RIMBP2: variants seen among roughly 807,000 people sequenced by gnomAD.
RIMBP2 encodes RIMS binding protein 2, also known as RIMS-binding protein 2.
Under a neutral mutation model 118.6 loss-of-function variants are expected in RIMBP2, and 48 were observed. That is an observed-to-expected ratio of 0.40 (90% confidence interval 0.32 to 0.51). RIMBP2 has a LOEUF of 0.51. Ranked by LOEUF, RIMBP2 falls within the 20% of genes least tolerant of loss-of-function variation. The pLI, the probability that RIMBP2 is intolerant of heterozygous loss-of-function variation, is 0.41. For synonymous variants in RIMBP2, 762 were observed against 742.9 expected, an observed-to-expected ratio of 1.03 and a Z score of -0.42; for missense variants, 1,551 against 1,768.3, an observed-to-expected ratio of 0.88 and a Z score of 2.20.
chr12:130,544,859 C>T (rs2054962299), intron 2 of RIMBP2, among the ~76,000 whole-genome samples: 1 of 152,102 alleles, frequency 6.6e-6, no homozygotes, highest in Non-Finnish European at 1.5e-5. Context: ...TCCCAAAGAA[C>T]TGGAGGCCTT....
rs776713358 is a variant in RIMBP2 at position 130,414,074 on chromosome 12, C to T, written c.3420+51G>A. 4.0e-5 allele frequency: 64 copies of T among 1,591,902 alleles called. 1 individual carries two copies. In the South Asian group the frequency reaches 6.5e-4, roughly 16 times the overall value. ...GTTGCCAGTCTCTGCCCCCATGACC[C>T]AGACCCGCCTCAGGGGCTGATGAAG... is the stretch of plus-strand genomic sequence containing the variant. On this transcript the variant is annotated intron_variant, in intron 18 of 22. Transcript: ENST00000690449.
At position 130,703,234 on chromosome 12, in the gene RIMBP2, G is replaced by T. The variant is rs189989093; in HGVS notation, c.-352+12988C>A. 6.6e-6 allele frequency among the ~76,000 whole-genome samples: 1 copy of T among 152,044 alleles called. No individual in the cohort carries two copies. Among genetic ancestry groups the T allele is most frequent in the Non-Finnish European group, 1.5e-5 (1 of 68,000 alleles). On this transcript the variant is annotated intron_variant, in intron 1 of 22. Coordinates refer to ENST00000690449, the MANE Select transcript of RIMBP2 (RefSeq NM_001393629.1). The surrounding 1 kb of genome is among the most constrained non-coding windows in gnomAD (Gnocchi z 5.7). ...GTCACCCTCCTGGTTGACAGATGACGCCTGGTGTTGGCCTTGTGCACCCCG... is the reference window on the plus strand; with the variant it reads ...GTCACCCTCCTGGTTGACAGATGACTCCTGGTGTTGGCCTTGTGCACCCCG...
At position 130,446,976 on chromosome 12, in the gene RIMBP2, G is replaced by A. The variant is rs561884406; in HGVS notation, c.582-1707C>T. On this transcript the variant is annotated intron_variant, in intron 9 of 22. Coordinates refer to ENST00000690449, the MANE Select transcript of RIMBP2 (RefSeq NM_001393629.1). The surrounding 1 kb of genome is among the most constrained non-coding windows in gnomAD (Gnocchi z 4.1). Reference sequence around the variant, plus strand: ...CTTTCTGGCCTCAGGGTGAGCAGGCGGGGACACAAGTCACTGAGTGGGGGT... The same window carrying A: ...CTTTCTGGCCTCAGGGTGAGCAGGCAGGGACACAAGTCACTGAGTGGGGGT... 5.3e-5 allele frequency among the ~76,000 whole-genome samples: 8 copies of A among 151,442 alleles called. No individual in the cohort carries two copies. Among genetic ancestry groups the A allele is most frequent in the Admixed American group, 3.3e-4 (5 of 15,218 alleles).
At chr12:130,628,088 T>A (rs7311135) in intron 2 of RIMBP2, among the ~76,000 whole-genome samples, 87,534 of 151,998 alleles carry the variant, frequency 0.58, 26,957 homozygotes, top group Admixed American at 0.67. Flanking sequence ...TTTTCAGGCA[T>A]CAAGTTCTTT....
chr12:130,434,358 C>G lies in RIMBP2; in HGVS notation c.2253+376G>C, dbSNP rs1009245119. On this transcript the variant is annotated intron_variant, in intron 14 of 22. Transcript: ENST00000690449. This position sits in a 1 kb window ranked among gnomAD's most constrained non-coding sequence, Gnocchi z 5.7. ...TATTTTTGGCTCCCATGATGCCTCCCTAGCACACAGATGGCCAACAAACAT... is the reference window on the plus strand; with the variant it reads ...TATTTTTGGCTCCCATGATGCCTCCGTAGCACACAGATGGCCAACAAACAT... Among the ~76,000 whole-genome samples, 7 of 152,188 alleles carry G rather than the reference C, an allele frequency of 4.6e-5. No individual in the cohort carries two copies. The highest frequency in any genetic ancestry group is 1.7e-4 in the African/African-American group (7 of 41,444).
intron 4 of RIMBP2, among the ~76,000 whole-genome samples, chr12:130,490,145 TAAAAA>T (rs2048507030): frequency 7.6e-6 from 1 of 132,134 alleles, no homozygotes; most frequent in African/African-American, 2.9e-5. Context: ...AAAAAAAAGA[TAAAAA>T]AGAAAAGTGA....
intron 19 of RIMBP2, among the ~76,000 whole-genome samples, chr12:130,408,755 C>T (rs1472073377): frequency 6.6e-6 from 1 of 152,258 alleles, no homozygotes; most frequent in Non-Finnish European, 1.5e-5. Flanking sequence ...AACACAGCCA[C>T]TTTTTGCTTA....
chr12:130,478,929 T>G lies in RIMBP2; in HGVS notation c.85A>C (p.Ile29Leu). The G allele has an allele frequency of 6.2e-7, 1 of 1,613,486 alleles. No individual in the cohort carries two copies. Among genetic ancestry groups the G allele is most frequent in the Non-Finnish European group, 8.5e-7 (1 of 1,179,760 alleles). ...CCGCTTACCTTCTGCAGAAGGTCAA[T>G]TTCCTGCTGCTTGGCACTGAGAACA... ...LAVLSAKQQE[I>L]DLLQKAQVEA... Residue 29 changes from isoleucine (I) to leucine (L), a missense_variant, in exon 5 of 23, where the codon ATT becomes CTT. Physicochemically the swap from Ile to Leu is conservative, Grantham distance 5 (BLOSUM62 2). Around this residue, in one of 5 missense-constraint regions of RIMBP2, gnomAD observed 239 missense variants for 256.8 expected, o/e 0.93. Coordinates refer to ENST00000690449, the MANE Select transcript of RIMBP2 (RefSeq NM_001393629.1).
At chr12:130,499,738 T>C (rs1196852110) in intron 4 of RIMBP2, among the ~76,000 whole-genome samples, 2 of 152,154 alleles carry the variant, frequency 1.3e-5, no homozygotes, top group Non-Finnish European at 2.9e-5. Context: ...AACCACTAAA[T>C]GTAAACCAGC....
intron 2 of RIMBP2, among the ~76,000 whole-genome samples, chr12:130,564,849 G>T (rs181795195): frequency 1.9e-4 from 29 of 152,300 alleles, no homozygotes; most frequent in African/African-American, 6.7e-4. Context: ...CACTTAAATT[G>T]TGTTAAGAGG....
intron 2 of RIMBP2, among the ~76,000 whole-genome samples, chr12:130,518,125 T>C (rs1309723264): frequency 2.6e-5 from 4 of 152,188 alleles, no homozygotes; most frequent in Admixed American, 2.0e-4. Flanking sequence ...CATGTTATAT[T>C]ATACGATGAT....
At chr12:130,691,238 G>A (rs1313216892) in intron 1 of RIMBP2, among the ~76,000 whole-genome samples, 1 of 152,164 alleles carries the variant, frequency 6.6e-6, no homozygotes, top group Non-Finnish European at 1.5e-5. Context: ...CACCTGCAAC[G>A]CTGACCACAG....
chr12:130,516,698 A>G (rs1334525753), intron 3 of RIMBP2, among the ~76,000 whole-genome samples: 1 of 152,232 alleles, frequency 6.6e-6, no homozygotes, highest in East Asian at 1.9e-4. Flanking sequence ...AGACAAGCTT[A>G]GGGATCCAAG....
At chr12:130,409,504 G>T (rs558148792) in intron 19 of RIMBP2, among the ~76,000 whole-genome samples, 8 of 151,866 alleles carry the variant, frequency 5.3e-5, no homozygotes, top group African/African-American at 1.5e-4. Context: ...CACCACGCCC[G>T]GCTAATTTTT....
At chr12:130,654,637 C>A (rs998899861) in intron 1 of RIMBP2, among the ~76,000 whole-genome samples, 2 of 152,236 alleles carry the variant, frequency 1.3e-5, no homozygotes, top group African/African-American at 4.8e-5. Context: ...ATCTTTATAG[C>A]AATGCCCCAC....
intron 1 of RIMBP2, among the ~76,000 whole-genome samples, chr12:130,648,086 G>A (rs149514497): frequency 6.1e-5 from 8 of 130,556 alleles, no homozygotes; most frequent in African/African-American, 1.8e-4. Flanking sequence ...CAGGAGTCAC[G>A]CGCTGATCAT....
At chr12:130,535,142 C>T (rs1397425617) in intron 2 of RIMBP2, among the ~76,000 whole-genome samples, 1 of 152,112 alleles carries the variant, frequency 6.6e-6, no homozygotes. Context: ...CAGCTTCCCC[C>T]TTAGTGAGCA....
At chr12:130,453,558 G>C in intron 7 of RIMBP2, among the ~76,000 whole-genome samples, 1 of 152,232 alleles carries the variant, frequency 6.6e-6, no homozygotes, top group East Asian at 1.9e-4. Flanking sequence ...AGGACTCTCT[G>C]CTACGTGGAG....
chr12:130,592,885 G>A (rs1473589434), intron 2 of RIMBP2, among the ~76,000 whole-genome samples: 2 of 152,258 alleles, frequency 1.3e-5, no homozygotes, highest in Admixed American at 1.3e-4. Flanking sequence ...GCGATGTCGG[G>A]AGCGGTGAGA....
Sources: allele counts gnomAD v4.1 joint callset (sites outside exome capture counted in the v4.1 genomes callset), GRCh38; gene constraint gnomAD v4.1.1; regional missense constraint gnomAD v4.1.1; non-coding constraint Gnocchi (gnomAD v3.1); transcripts MANE v1.5; gene names NCBI Gene and HGNC (gene_info 2026-07-23, HGNC 2026-07-21).